JARID2: variants seen among roughly 807,000 people sequenced by gnomAD.
JARID2 encodes the protein protein Jumonji.
In JARID2, 21 loss-of-function variants were observed where a neutral mutation model predicts 125.6. The observed-to-expected ratio is 0.17, with a 90% CI of 0.12 to 0.24. The LOEUF (loss-of-function observed/expected upper bound fraction) is 0.24, where lower values mean the gene tolerates loss of function less well. JARID2 is among the 10% of genes least tolerant of loss of function. The pLI is 1.00. For missense variants in JARID2, 1,303 were observed against 1,639.6 expected (o/e 0.79, Z 3.55); for synonymous variants, 736 against 661.6 (o/e 1.11, Z -1.73).
chr6:15,299,317 G>A (rs1268869255), intron 1 of JARID2, among the ~76,000 whole-genome samples: 2 of 152,146 alleles, frequency 1.3e-5, no homozygotes, highest in East Asian at 1.9e-4. Context: ...TCTTCATTGG[G>A]TTCTCAAATT....
At chr6:15,281,408 A>C (rs1760744881) in intron 1 of JARID2, among the ~76,000 whole-genome samples, 1 of 152,238 alleles carries the variant, frequency 6.6e-6, no homozygotes. Flanking sequence ...AACAACATTC[A>C]AGATCAGTTT....
intron 3 of JARID2, among the ~76,000 whole-genome samples, chr6:15,415,390 G>T (rs1766102909): frequency 6.6e-6 from 1 of 151,596 alleles, no homozygotes; most frequent in South Asian, 2.1e-4. Flanking sequence ...TGTAGGGGCG[G>T]CCGGGCAGAG....
chr6:15,256,089 G>C (rs71551042), intron 1 of JARID2, among the ~76,000 whole-genome samples: 2,992 of 152,258 alleles, frequency 0.02, 59 homozygotes, highest in Non-Finnish European at 0.023. Context: ...TTTTTGATGT[G>C]AAAGCACTTT....
intron 1 of JARID2, among the ~76,000 whole-genome samples, chr6:15,291,577 A>T (rs1424957286): frequency 1.3e-5 from 2 of 152,232 alleles, no homozygotes; most frequent in Non-Finnish European, 2.9e-5. Context: ...TGCTGCAGGG[A>T]TCCTGCTAGG....
chr6:15,455,071 C>T (rs1446905699), intron 4 of JARID2, among the ~76,000 whole-genome samples: 2 of 151,830 alleles, frequency 1.3e-5, no homozygotes, highest in Non-Finnish European at 1.5e-5. Context: ...GTTGTGCCGT[C>T]TATAGTCCAT....
At chr6:15,377,090 C>T (rs749493868) in intron 2 of JARID2, among the ~76,000 whole-genome samples, 4 of 152,140 alleles carry the variant, frequency 2.6e-5, no homozygotes, top group Non-Finnish European at 5.9e-5. Flanking sequence ...CTCATAGAAA[C>T]ACTTCCTAAA....
intron 3 of JARID2, among the ~76,000 whole-genome samples, chr6:15,413,000 G>GTTT (rs1561845196): frequency 1.1e-4 from 7 of 65,048 alleles, no homozygotes; most frequent in African/African-American, 3.6e-4. Context: ...GGAAGAGCTT[G>GTTT]TGTTTTTGTT....
chr6:15,264,655 TAG>T (rs70996529), intron 1 of JARID2, among the ~76,000 whole-genome samples: 18 of 129,120 alleles, frequency 1.4e-4, no homozygotes, highest in African/African-American at 4.4e-4. Context: ...GAGAGAGAGA[TAG>T]AGAGAGAGAG....
At chr6:15,336,106 TG>T (rs1762868900) in intron 1 of JARID2, among the ~76,000 whole-genome samples, 1 of 151,820 alleles carries the variant, frequency 6.6e-6, no homozygotes, top group African/African-American at 2.4e-5. Context: ...AATGAATGAA[TG>T]AATGAATGAA....
intron 6 of JARID2, among the ~76,000 whole-genome samples, chr6:15,490,836 G>A (rs1770116380): frequency 6.6e-6 from 1 of 152,236 alleles, no homozygotes; most frequent in African/African-American, 2.4e-5. Flanking sequence ...TCATGAGCAG[G>A]TTTTGTACTT....
Position 15,521,176 on chromosome 6 carries a change from CTTGT to C in JARID2, c.*929_*932del, listed in dbSNP as rs1405647766. ...ACATTCCATCTCCATCTCACCGCTT[CTTGT>C]TTGACACCTTCACAAGTCAGCATTA... is the stretch of plus-strand genomic sequence containing the variant. On this transcript the variant is annotated 3_prime_UTR_variant, in exon 18 of 18. Transcript: ENST00000341776. 1.3e-5 allele frequency: 2 copies of C among 157,050 alleles called. No homozygotes were observed. Among genetic ancestry groups the C allele is most frequent in the Non-Finnish European group, 2.8e-5 (2 of 71,308 alleles). 9.7% of individuals were successfully genotyped at this position (157,050 alleles called of 1,614,324 possible).
chr6:15,401,045 C>CA, intron 2 of JARID2: 1 of 1,289,186 alleles, frequency 7.8e-7, no homozygotes, highest in South Asian at 1.2e-5. Flanking sequence ...AAAGACAAAC[C>CA]AAATAGCTCT....
At chr6:15,425,799 G>T (rs1314953458) in intron 3 of JARID2, among the ~76,000 whole-genome samples, 2 of 152,236 alleles carry the variant, frequency 1.3e-5, no homozygotes, top group African/African-American at 4.8e-5. Context: ...TGCTGCAAAA[G>T]AAAGATGCGT....
In JARID2 at chr6:15,521,840, G is replaced by A. The variant is rs1771873393; in HGVS notation, c.*1589G>A. 1 of 152,204 alleles carries A rather than the reference G, an allele frequency of 6.6e-6. No individual in the cohort carries two copies. 9.4% of individuals were successfully genotyped at this position (152,204 alleles called of 1,614,324 possible). A position where few individuals can be genotyped will look rare whatever the true frequency, so the allele number is the denominator to read the frequency against. ...GTTGTCCGGTTTCTATGGCCTTGCTGTGTACTTTCCCTCTTTTTGACAGTA... is the reference window on the plus strand; with the variant it reads ...GTTGTCCGGTTTCTATGGCCTTGCTATGTACTTTCCCTCTTTTTGACAGTA... On this transcript the variant is annotated 3_prime_UTR_variant, in exon 18 of 18. Coordinates refer to ENST00000341776, the MANE Select transcript of JARID2 (RefSeq NM_004973.4).
intron 1 of JARID2, among the ~76,000 whole-genome samples, chr6:15,295,784 C>G (rs1398718501): frequency 1.3e-5 from 2 of 152,176 alleles, no homozygotes; most frequent in East Asian, 3.9e-4. Context: ...CTGCCTCAGC[C>G]TTCTAAGTAG....
chr6:15,426,405 A>G (rs1487784701), intron 3 of JARID2, among the ~76,000 whole-genome samples: 2 of 152,214 alleles, frequency 1.3e-5, no homozygotes, highest in Non-Finnish European at 2.9e-5. Context: ...TTGATATTCA[A>G]AAGGACGCAC....
At chr6:15,281,813 T>G (rs745704263) in intron 1 of JARID2, among the ~76,000 whole-genome samples, 3 of 152,168 alleles carry the variant, frequency 2.0e-5, no homozygotes, top group Non-Finnish European at 4.4e-5. Context: ...GACCTTTAGG[T>G]TGTTCATGCT....
intron 1 of JARID2, among the ~76,000 whole-genome samples, chr6:15,291,226 C>T (rs1581376569): frequency 6.6e-6 from 1 of 152,040 alleles, no homozygotes; most frequent in Non-Finnish European, 1.5e-5. Context: ...TAGAGCGAGA[C>T]CCTGTCTCAA....
At chr6:15,424,103 A>G (rs1260434365) in intron 3 of JARID2, among the ~76,000 whole-genome samples, 1 of 150,808 alleles carries the variant, frequency 6.6e-6, no homozygotes, top group African/African-American at 2.4e-5. Context: ...AGACGTGGAT[A>G]GACCTGTATG....
Sources: gnomAD v4.1 joint callset for allele counts (sites outside exome capture counted in the v4.1 genomes callset) on GRCh38, gnomAD v4.1.1 for gene constraint, MANE v1.5 for transcripts, NCBI Gene and HGNC (gene_info 2026-07-23, HGNC 2026-07-21) for gene names.